The following TENM1 variants were observed in gnomAD, a reference collection of about 807,000 sequenced individuals.
The protein encoded by TENM1 is teneurin-1.
Under a neutral mutation model 174.8 loss-of-function variants are expected in TENM1, and 35 were observed. That is an observed-to-expected ratio of 0.20 (90% confidence interval 0.15 to 0.27). TENM1 has a LOEUF of 0.27. Among genes scored for constraint, TENM1 ranks in the 10% least tolerant of loss-of-function variants. The pLI is 1.00. For missense variants in TENM1, 1,633 were observed against 2,130.1 expected, an observed-to-expected ratio of 0.77 and a Z score of 4.59; for synonymous variants, 781 against 798.7, an observed-to-expected ratio of 0.98 and a Z score of 0.37.
At chrX:125,060,181 T>TCACACA in the TENM1 span, among the ~76,000 whole-genome samples, 41 of 93,830 alleles carry the variant, frequency 4.4e-4, no homozygotes, top group African/African-American at 1.4e-3. Context: ...TCTCTCTCTC[T>TCACACA]CACACACACA....
At chrX:124,466,267 A>G (rs1349275055) in intron 22 of TENM1, among the ~76,000 whole-genome samples, 3 of 111,947 alleles carry the variant, frequency 2.7e-5, no homozygotes, top group Non-Finnish European at 5.6e-5. Context: ...ATTAAGGTCT[A>G]TTTTAGAAAC....
chrX:125,191,162 AT>A, the TENM1 span, among the ~76,000 whole-genome samples: 1 of 111,687 alleles, frequency 9.0e-6, no homozygotes, highest in East Asian at 2.8e-4. Flanking sequence ...CATATTATTT[AT>A]TTAGGACAAA....
At chrX:124,446,259 A>G (rs1352807801) in intron 23 of TENM1, among the ~76,000 whole-genome samples, 1 of 112,373 alleles carries the variant, frequency 8.9e-6, no homozygotes, top group Non-Finnish European at 1.9e-5. Flanking sequence ...AATCTTAGTT[A>G]TATCACTCAA....
chrX:124,805,690 C>T (rs1171190700), intron 3 of TENM1, among the ~76,000 whole-genome samples: 1 of 112,464 alleles, frequency 8.9e-6, no homozygotes, highest in Non-Finnish European at 1.9e-5. Context: ...CCCAACTCAG[C>T]CACAGTACTA....
chrX:124,734,780 C>T lies in TENM1; in HGVS notation c.776+2177G>A, dbSNP rs189443495. On this transcript the variant is annotated intron_variant, in intron 4 of 31. Coordinates refer to ENST00000422452, the Ensembl canonical transcript of TENM1. ...TAGTCCTTCTCTTTCCATTCCAATT[C>T]CCAGAGATCAGATTAGAAGGTGATA... Among the ~76,000 whole-genome samples the T allele has an allele frequency of 1.4e-3, 155 of 111,727 alleles. No individual in the cohort carries two copies. The Middle Eastern group carries it at 0.014, about 10-fold the overall frequency.
chrX:124,614,594 G>A (rs1418388583), intron 11 of TENM1, among the ~76,000 whole-genome samples: 1 of 112,392 alleles, frequency 8.9e-6, no homozygotes, highest in African/African-American at 3.2e-5. Context: ...AGTACTGAGT[G>A]GTAACAGGCT....
intron 2 of TENM1, among the ~76,000 whole-genome samples, chrX:124,895,200 A>T (rs1230254985): frequency 9.0e-6 from 1 of 111,561 alleles, no homozygotes; most frequent in African/African-American, 3.3e-5. Flanking sequence ...CTGTTAACAG[A>T]GTAAGCCTTG....
chrX:124,881,596 T>G (rs1039152378), intron 3 of TENM1, among the ~76,000 whole-genome samples: 33 of 111,065 alleles, frequency 3.0e-4, no homozygotes, highest in Non-Finnish European at 4.0e-4. Flanking sequence ...TCTAATTCTT[T>G]GGGGTGCCTG....
chrX:124,790,680 G>T (rs902013063), intron 3 of TENM1, among the ~76,000 whole-genome samples: 1 of 111,831 alleles, frequency 8.9e-6, no homozygotes. Context: ...AGTTAACTTG[G>T]ATGAGTAAAG....
chrX:124,640,106 T>C (rs1430403982), intron 11 of TENM1, among the ~76,000 whole-genome samples: 1 of 110,850 alleles, frequency 9.0e-6, no homozygotes, highest in African/African-American at 3.3e-5. Context: ...ATAACCTCTA[T>C]ATGTATATAG....
At chrX:124,453,053 T>G (rs974628645) in intron 23 of TENM1, among the ~76,000 whole-genome samples, 4 of 111,711 alleles carry the variant, frequency 3.6e-5, no homozygotes, top group Non-Finnish European at 7.5e-5. Context: ...AAATATTCAA[T>G]AAATGAGATT....
At chrX:124,925,013 T>C (rs1447227609) in intron 1 of TENM1, among the ~76,000 whole-genome samples, 3 of 110,010 alleles carry the variant, frequency 2.7e-5, no homozygotes, top group African/African-American at 6.6e-5. Flanking sequence ...AATCAACTTG[T>C]ACCCACACCA....
At chrX:124,677,956 T>C (rs1375012211) in intron 5 of TENM1, among the ~76,000 whole-genome samples, 2 of 111,883 alleles carry the variant, frequency 1.8e-5, no homozygotes, top group Admixed American at 9.5e-5. Flanking sequence ...TTCTGTGCTA[T>C]ATTTGTAACT....
intron 18 of TENM1, among the ~76,000 whole-genome samples, chrX:124,517,423 C>T (rs2047730924): frequency 9.1e-6 from 1 of 109,803 alleles, no homozygotes; most frequent in Admixed American, 9.7e-5. Flanking sequence ...AAATGTCCAA[C>T]AATGATAGAC....
chrX:124,956,848 C>A lies in TENM1; in HGVS notation c.217+6689G>T, dbSNP rs754478916. On this transcript the variant is annotated intron_variant, in intron 1 of 31. Transcript: ENST00000422452. ...TGATCTTTGCCATGTAAATACAGAT[C>A]CTGAGATTAAGAGTTCTTTCAAGGA... 1.4e-4 allele frequency among the ~76,000 whole-genome samples: 16 copies of A among 112,155 alleles called. No individual in the cohort carries two copies. In the South Asian group the frequency reaches 3.7e-3, roughly 26 times the overall value.
At chrX:125,061,185 T>C in the TENM1 span, among the ~76,000 whole-genome samples, 3 of 111,297 alleles carry the variant, frequency 2.7e-5, no homozygotes, top group African/African-American at 9.8e-5. Flanking sequence ...ATGGGGACAA[T>C]TGATATTGAT....
intron 6 of TENM1, among the ~76,000 whole-genome samples, chrX:124,660,887 C>T (rs976401971): frequency 8.9e-6 from 1 of 111,908 alleles, no homozygotes; most frequent in African/African-American, 3.3e-5. Context: ...TTGGTGTATA[C>T]TCCAAAGAAT....
intron 27 of TENM1, among the ~76,000 whole-genome samples, chrX:124,399,017 A>G (rs1170775542): frequency 1.8e-5 from 2 of 112,428 alleles, no homozygotes; most frequent in African/African-American, 6.5e-5. Context: ...ATCACATACA[A>G]CTAGTTGTTT....
At chrX:124,811,396 A>T (rs2055769287) in intron 3 of TENM1, among the ~76,000 whole-genome samples, 1 of 112,004 alleles carries the variant, frequency 8.9e-6, no homozygotes, top group Middle Eastern at 4.7e-3. Flanking sequence ...CAAATGGCCA[A>T]CAAGTATATA....
Sources: gnomAD v4.1 joint callset for allele counts (sites outside exome capture counted in the v4.1 genomes callset) on GRCh38, gnomAD v4.1.1 for gene constraint, MANE v1.5 for transcripts, NCBI Gene and HGNC (gene_info 2026-07-23, HGNC 2026-07-21) for gene names.